The following COX7B2 variants were observed in gnomAD, a reference collection of about 807,000 sequenced individuals.
COX7B2 encodes cytochrome c oxidase subunit 7B2, mitochondrial.
For synonymous variants in COX7B2, 37 were observed against 32.1 expected (o/e 1.15, Z -0.51); for missense variants, 109 against 95.9 (o/e 1.14, Z -0.57).
intron 2 of COX7B2, among the ~76,000 whole-genome samples, chr4:46,759,776 C>A (rs1716020137): frequency 6.8e-6 from 1 of 147,878 alleles, no homozygotes; most frequent in Non-Finnish European, 1.5e-5. Flanking sequence ...AGTTATATGT[C>A]TTATCTTATA....
At chr4:46,750,176 C>T (rs1258134471) in intron 2 of COX7B2, among the ~76,000 whole-genome samples, 1 of 146,050 alleles carries the variant, frequency 6.8e-6, no homozygotes, top group Non-Finnish European at 1.5e-5. Context: ...GCCTGGACAA[C>T]ACAATGAGAT....
chr4:46,867,695 C>T (rs562450017), intron 1 of COX7B2, among the ~76,000 whole-genome samples: 1 of 152,324 alleles, frequency 6.6e-6, no homozygotes, highest in East Asian at 1.9e-4. Flanking sequence ...CCTGCTTATG[C>T]TGAACCAACA....
At chr4:46,804,155 C>T (rs960207261) in intron 2 of COX7B2, among the ~76,000 whole-genome samples, 1 of 151,928 alleles carries the variant, frequency 6.6e-6, no homozygotes. Context: ...TGTTGTTCCT[C>T]GCGGTGGGTT....
In COX7B2 at chr4:46,867,686, C is replaced by A. The variant is rs964338779; in HGVS notation, c.-104-22672G>T. ...GCCATACATGGCCACCTCAATAAAC[C>A]TGCTTATGCTGAACCAACATTGCAT... On this transcript the variant is annotated intron_variant, in intron 1 of 2. Coordinates refer to ENST00000355591, the MANE Select transcript of COX7B2 (RefSeq NM_130902.3). Among the ~76,000 whole-genome samples the A allele has an allele frequency of 3.9e-5, 6 of 152,198 alleles. No homozygotes were observed. In the East Asian group the frequency reaches 1.2e-3, roughly 29 times the overall value.
chr4:46,906,142 T>C (rs567076207), intron 1 of COX7B2, among the ~76,000 whole-genome samples: 1 of 152,294 alleles, frequency 6.6e-6, no homozygotes, highest in Admixed American at 6.5e-5. Flanking sequence ...TATATTTCAA[T>C]CCTATATTAC....
intron 2 of COX7B2, among the ~76,000 whole-genome samples, chr4:46,836,716 A>C (rs1271359530): frequency 6.6e-6 from 1 of 152,162 alleles, no homozygotes; most frequent in Non-Finnish European, 1.5e-5. Flanking sequence ...GGTATGTGAT[A>C]GATTTGTTAT....
intron 1 of COX7B2, among the ~76,000 whole-genome samples, chr4:46,880,990 T>TAAA (rs1172084044): frequency 3.7e-5 from 3 of 80,544 alleles, no homozygotes; most frequent in East Asian, 4.8e-4. Context: ...ACTTAGAGTA[T>TAAA]AATAAAAAAA....
chr4:46,843,225 G>A (rs1253366893), intron 2 of COX7B2, among the ~76,000 whole-genome samples: 1 of 151,874 alleles, frequency 6.6e-6, no homozygotes, highest in East Asian at 1.9e-4. Context: ...AGGCTTCTTA[G>A]CATCACTAAG....
intron 1 of COX7B2, among the ~76,000 whole-genome samples, chr4:46,896,753 A>G (rs949502755): frequency 3.9e-5 from 6 of 152,230 alleles, no homozygotes; most frequent in African/African-American, 1.4e-4. Context: ...AATAGCAAGC[A>G]ACAGGCACCC....
chr4:46,855,642 G>A lies in COX7B2; in HGVS notation c.-104-10628C>T, dbSNP rs138688421. ...GATTGACAAAAAAAACTAAAAAAAA[G>A]CATGTAAATAACAAGACCCAAATTT... On this transcript the variant is annotated intron_variant, in intron 1 of 2. Coordinates refer to ENST00000355591, the MANE Select transcript of COX7B2 (RefSeq NM_130902.3). 7.8e-3 allele frequency among the ~76,000 whole-genome samples: 1,188 copies of A among 151,894 alleles called. 19 individuals carry two copies. Among genetic ancestry groups the A allele is most frequent in the African/African-American group, 0.028 (1,143 of 41,440 alleles).
chr4:46,852,563 T>TACGCACACACAC (rs1553893482), intron 1 of COX7B2, among the ~76,000 whole-genome samples: 12 of 145,694 alleles, frequency 8.2e-5, no homozygotes, highest in African/African-American at 3.0e-4. Context: ...AATACACAAA[T>TACGCACACACAC]ACACACACAC....
chr4:46,758,287 G>T lies in COX7B2; in HGVS notation c.-49-23046C>A, dbSNP rs375073982. On this transcript the variant is annotated intron_variant, in intron 2 of 2. Transcript: ENST00000355591. ...AATGAGGTATAGAGCTAAACTGAGA[G>T]GTATAGAGCATAGAAAATGTATCAA... Among the ~76,000 whole-genome samples the T allele has an allele frequency of 2.0e-5, 3 of 152,040 alleles. No individual in the cohort carries two copies. In the East Asian group the frequency reaches 5.8e-4, roughly 29 times the overall value.
intron 1 of COX7B2, among the ~76,000 whole-genome samples, chr4:46,881,014 C>CGT (rs1718702187): frequency 8.5e-6 from 1 of 117,956 alleles, no homozygotes; most frequent in Non-Finnish European, 1.8e-5. Flanking sequence ...AAAAAAAACT[C>CGT]TTGGATTCAT....
At chr4:46,832,872 A>G (rs1577629211) in intron 2 of COX7B2, among the ~76,000 whole-genome samples, 1 of 149,806 alleles carries the variant, frequency 6.7e-6, no homozygotes, top group Non-Finnish European at 1.5e-5. Context: ...TGCCAAAACT[A>G]CGCTTCATGT....
Position 46,768,394 on chromosome 4 carries a change from T to G in COX7B2, c.-49-33153A>C, listed in dbSNP as rs146577768. 2.5e-4 allele frequency among the ~76,000 whole-genome samples: 38 copies of G among 152,284 alleles called. No homozygotes were observed. The East Asian group carries it at 7.4e-3, about 30-fold the overall frequency. ...TCCTCTCGACATTTAGATGCTTCTC[T>G]CTTCCCTCCTCTGCCGTGCTACTCT... On this transcript the variant is annotated intron_variant, in intron 2 of 2. Coordinates refer to ENST00000355591, the MANE Select transcript of COX7B2 (RefSeq NM_130902.3).
At chr4:46,824,179 C>A (rs1314550674) in intron 2 of COX7B2, among the ~76,000 whole-genome samples, 1 of 152,050 alleles carries the variant, frequency 6.6e-6, no homozygotes, top group Non-Finnish European at 1.5e-5. Flanking sequence ...TAATAAATAG[C>A]CTACCATTAC....
At chr4:46,861,960 C>T (rs1404962447) in intron 1 of COX7B2, among the ~76,000 whole-genome samples, 1 of 152,190 alleles carries the variant, frequency 6.6e-6, no homozygotes, top group Non-Finnish European at 1.5e-5. Flanking sequence ...GCCTACACTC[C>T]CTACTATTGC....
At chr4:46,794,590 G>A (rs956432445) in intron 2 of COX7B2, among the ~76,000 whole-genome samples, 17 of 152,104 alleles carry the variant, frequency 1.1e-4, no homozygotes, top group Admixed American at 8.5e-4. Context: ...CTCTTCTCTC[G>A]TCTGTAGTGG....
chr4:46,812,370 TAAA>T (rs71654851), intron 2 of COX7B2, among the ~76,000 whole-genome samples: 5 of 148,616 alleles, frequency 3.4e-5, no homozygotes, highest in Admixed American at 3.3e-4. Context: ...GAATAAAAAT[TAAA>T]AAAAAAAAAG....
Sources: gnomAD v4.1 joint callset for allele counts (sites outside exome capture counted in the v4.1 genomes callset) on GRCh38, gnomAD v4.1.1 for gene constraint, MANE v1.5 for transcripts, NCBI Gene and HGNC (gene_info 2026-07-23, HGNC 2026-07-21) for gene names.